Variants in ADAMTSL3 observed in about 807,000 individuals in gnomAD.
ADAMTSL3 encodes ADAMTS-like protein 3.
Under a neutral mutation model 201.7 loss-of-function variants are expected in ADAMTSL3, and 128 were observed. The ratio of observed to expected loss-of-function variants is 0.63; its 90% CI spans 0.55 to 0.73. The LOEUF is 0.73. ADAMTSL3 is among the 30% of genes least tolerant of loss of function. ADAMTSL3 has a pLI of 0.00. For synonymous variants in ADAMTSL3, 738 were observed against 748.4 expected (o/e 0.99, Z 0.23); for missense variants, 1,990 against 2,119.6 (o/e 0.94, Z 1.20).
At chr15:83,771,474 T>G (rs1441478613) in intron 3 of ADAMTSL3, among the ~76,000 whole-genome samples, 2 of 152,336 alleles carry the variant, frequency 1.3e-5, no homozygotes, top group Admixed American at 1.3e-4. Context: ...TGGCAACCAC[T>G]ATTGTACTTT....
intron 2 of ADAMTSL3, among the ~76,000 whole-genome samples, chr15:83,682,866 A>G (rs2061493041): frequency 6.6e-6 from 1 of 152,190 alleles, no homozygotes; most frequent in South Asian, 2.1e-4. Flanking sequence ...TATAACTCGT[A>G]AAGAAATGTG....
intron 3 of ADAMTSL3, among the ~76,000 whole-genome samples, chr15:83,704,975 TGTG>T (rs2061828051): frequency 6.6e-6 from 1 of 151,538 alleles, no homozygotes; most frequent in Admixed American, 6.6e-5. Context: ...AGTGTGTGTG[TGTG>T]TGTGTGTGTG....
intron 4 of ADAMTSL3, among the ~76,000 whole-genome samples, chr15:83,781,032 C>T (rs1466444717): frequency 6.6e-6 from 1 of 152,038 alleles, no homozygotes; most frequent in Admixed American, 6.5e-5. Context: ...GCCATACTGC[C>T]CAAAGCAATT....
chr15:83,781,579 C>A (rs1249291225), intron 4 of ADAMTSL3, among the ~76,000 whole-genome samples: 3 of 152,040 alleles, frequency 2.0e-5, no homozygotes, highest in African/African-American at 7.2e-5. Context: ...AAAGCAGTTG[C>A]AATAAAAGCA....
intron 7 of ADAMTSL3, among the ~76,000 whole-genome samples, chr15:83,855,629 G>C (rs2064715522): frequency 6.6e-6 from 1 of 152,136 alleles, no homozygotes; most frequent in Admixed American, 6.5e-5. Context: ...GGTGGAGAAT[G>C]GGGAGAGATG....
intron 14 of ADAMTSL3, 89 bp downstream of exon 14, chr15:83,898,094 C>G: frequency 8.4e-6 from 12 of 1,424,962 alleles, no homozygotes; most frequent in Non-Finnish European, 1.1e-5. Context: ...CAACTTACTA[C>G]TTTCTTATAA....
At chr15:83,911,619 A>G (rs1231408103) in intron 15 of ADAMTSL3, among the ~76,000 whole-genome samples, 1 of 152,154 alleles carries the variant, frequency 6.6e-6, no homozygotes, top group Non-Finnish European at 1.5e-5. Flanking sequence ...CCCACTAACA[A>G]TTTTCAACAC....
intron 16 of ADAMTSL3, among the ~76,000 whole-genome samples, chr15:83,915,713 A>G (rs1475668307): frequency 1.3e-5 from 2 of 152,138 alleles, no homozygotes; most frequent in Non-Finnish European, 2.9e-5. Context: ...ACTACTGTCT[A>G]TTATGGACGT....
At chr15:83,815,446 A>G (rs111798021) in intron 5 of ADAMTSL3, among the ~76,000 whole-genome samples, 7 of 152,364 alleles carry the variant, frequency 4.6e-5, no homozygotes, top group African/African-American at 1.7e-4. Context: ...GACCTAGGGC[A>G]AAGCCCATCA....
At chr15:83,859,189 G>A (rs1308523254) in intron 8 of ADAMTSL3, among the ~76,000 whole-genome samples, 5 of 152,236 alleles carry the variant, frequency 3.3e-5, no homozygotes, top group African/African-American at 1.2e-4. Flanking sequence ...TGGAGGCTAC[G>A]CACTGGTTTG....
At chr15:83,682,017 A>G (rs1025752584) in intron 2 of ADAMTSL3, among the ~76,000 whole-genome samples, 4 of 152,182 alleles carry the variant, frequency 2.6e-5, no homozygotes, top group Non-Finnish European at 5.9e-5. Flanking sequence ...TTCCAATTTC[A>G]GAACTATTTT....
intron 9 of ADAMTSL3, among the ~76,000 whole-genome samples, chr15:83,883,898 C>G (rs1008126896): frequency 1.3e-4 from 18 of 136,998 alleles, no homozygotes; most frequent in African/African-American, 4.8e-4. Flanking sequence ...TTTTCTTTTA[C>G]TTTTTTTTTT....
intron 19 of ADAMTSL3, among the ~76,000 whole-genome samples, chr15:83,948,411 T>TACACAC (rs72124987): frequency 0.2 from 28,554 of 145,512 alleles, 2,810 homozygotes; most frequent in East Asian, 0.36. Flanking sequence ...AAAGCTTATT[T>TACACAC]ACACACACAC....
At chr15:83,766,842 C>G (rs753679203) in intron 3 of ADAMTSL3, among the ~76,000 whole-genome samples, 4 of 152,282 alleles carry the variant, frequency 2.6e-5, no homozygotes, top group Non-Finnish European at 4.4e-5. Context: ...TGCCTGTAAT[C>G]GCAGCACTTT....
rs868808781 is a variant in ADAMTSL3, at chr15:84,038,806, G to A, written c.*1000G>A. ...GGTTAGAAGTTACACTAAGGACCAG[G>A]GGTTGGAATCAGAATTTAGTTTAAG... On this transcript the variant is annotated 3_prime_UTR_variant, in exon 30 of 30. Coordinates refer to ENST00000286744, the MANE Select transcript of ADAMTSL3 (RefSeq NM_207517.3). The A allele has an allele frequency of 6.6e-6, 1 of 152,232 alleles. No homozygotes were observed. Among genetic ancestry groups the A allele is most frequent in the African/African-American group, 2.4e-5 (1 of 41,428 alleles). 9.4% of individuals were successfully genotyped at this position (152,232 alleles called of 1,614,324 possible).
intron 3 of ADAMTSL3, among the ~76,000 whole-genome samples, chr15:83,744,127 G>A (rs555526934): frequency 6.6e-4 from 100 of 152,224 alleles, no homozygotes; most frequent in African/African-American, 2.1e-3. Flanking sequence ...TGGGATTATA[G>A]GCGTGAGCCA....
At chr15:83,985,940 T>C (rs772265743) in intron 21 of ADAMTSL3, among the ~76,000 whole-genome samples, 5 of 152,142 alleles carry the variant, frequency 3.3e-5, no homozygotes, top group Non-Finnish European at 7.3e-5. Context: ...GTTAAGGACA[T>C]TCTTAAGGGA....
intron 6 of ADAMTSL3, 134 bp from the exon 7 acceptor site, chr15:83,837,955 A>G (rs2064307130): frequency 5.6e-6 from 6 of 1,072,838 alleles, no homozygotes; most frequent in African/African-American, 1.6e-5. Context: ...ATTTAGATTT[A>G]TAAAACTATG....
At chr15:83,976,794 TACTC>T (rs1462536722) in intron 20 of ADAMTSL3, among the ~76,000 whole-genome samples, 3 of 152,276 alleles carry the variant, frequency 2.0e-5, no homozygotes, top group Non-Finnish European at 4.4e-5. Context: ...TCACTGGCCT[TACTC>T]ACCTCCTGCT....
Sources: gnomAD v4.1 joint callset for allele counts (sites outside exome capture counted in the v4.1 genomes callset) on GRCh38, gnomAD v4.1.1 for gene constraint, MANE v1.5 for transcripts, NCBI Gene and HGNC (gene_info 2026-07-23, HGNC 2026-07-21) for gene names.